Variants in NTM observed in about 807,000 individuals in gnomAD.
NTM encodes the protein neurotrimin, also known as IgLON family member 2.
Under a neutral mutation model 42.1 loss-of-function variants are expected in NTM, and 13 were observed. The ratio of observed to expected loss-of-function variants is 0.31; its 90% confidence interval spans 0.20 to 0.49. The LOEUF (loss-of-function observed/expected upper bound fraction) is 0.49, where lower values mean the gene tolerates loss of function less well. Ranked by LOEUF, NTM falls within the 20% of genes least tolerant of loss-of-function variation. NTM has a pLI of 0.99. For synonymous variants in NTM, 187 were observed against 179.2 expected (o/e 1.04, Z -0.35); for missense variants, 373 against 452.8 (o/e 0.82, Z 1.60).
intron 4 of NTM, among the ~76,000 whole-genome samples, chr11:132,216,806 C>G (rs942549915): frequency 3.3e-5 from 5 of 152,206 alleles, no homozygotes; most frequent in African/African-American, 1.2e-4. Context: ...CTATCTTGAT[C>G]CTTCAGAAGT....
intron 1 of NTM, chr11:131,605,856 A>G (rs565446650): frequency 1.0e-4 from 100 of 983,894 alleles, no homozygotes; most frequent in Admixed American, 2.5e-4. Context: ...TTCTTGGACT[A>G]TCTCACCTGA....
At chr11:131,527,149 T>A (rs2050612633) in intron 1 of NTM, among the ~76,000 whole-genome samples, 1 of 152,178 alleles carries the variant, frequency 6.6e-6, no homozygotes, top group African/African-American at 2.4e-5. Context: ...ACCCCCCTGG[T>A]CTCCCAGAGC....
chr11:131,528,851 T>A lies in NTM; in HGVS notation c.82+157963T>A, dbSNP rs115228692. Among the ~76,000 whole-genome samples, 691 of 152,354 alleles carry A rather than the reference T, an allele frequency of 4.5e-3. 5 individuals carry two copies. Among genetic ancestry groups the A allele is most frequent in the African/African-American group, 0.015 (636 of 41,586 alleles). On this transcript the variant is annotated intron_variant, in intron 1 of 8. Transcript: ENST00000683400. ...TCTTCCCTGACCTCTCATAGCACAC[T>A]TGATGTTTAGACATTTGATTTGATT...
At chr11:132,256,710 T>C (rs1262468483) in intron 4 of NTM, among the ~76,000 whole-genome samples, 1 of 151,694 alleles carries the variant, frequency 6.6e-6, no homozygotes, top group Non-Finnish European at 1.5e-5. Flanking sequence ...GAAAGTGGCA[T>C]AAACGGCACA....
chr11:131,830,726 A>G (rs1455119226), intron 1 of NTM, among the ~76,000 whole-genome samples: 1 of 152,210 alleles, frequency 6.6e-6, no homozygotes, highest in African/African-American at 2.4e-5. Context: ...ATAGCTGGAT[A>G]GGAATAATGT....
intron 6 of NTM, among the ~76,000 whole-genome samples, chr11:132,311,794 G>T (rs1391318231): frequency 6.6e-6 from 1 of 152,150 alleles, no homozygotes; most frequent in Non-Finnish European, 1.5e-5. Flanking sequence ...CAAAATCTTA[G>T]AGGAAAATAA....
intron 2 of NTM, among the ~76,000 whole-genome samples, chr11:132,129,593 C>T (rs1037596046): frequency 6.6e-6 from 1 of 152,170 alleles, no homozygotes; most frequent in South Asian, 2.1e-4. Context: ...GTAAGGTTAG[C>T]TTCAGTTAAT....
intron 2 of NTM, among the ~76,000 whole-genome samples, chr11:132,075,567 T>G (rs1358076825): frequency 2.6e-5 from 4 of 152,204 alleles, no homozygotes; most frequent in Non-Finnish European, 4.4e-5. Context: ...TTTCTGATGA[T>G]CTCAGGTTCA....
intron 7 of NTM, among the ~76,000 whole-genome samples, chr11:132,319,504 C>G (rs146309021): frequency 6.6e-6 from 1 of 152,200 alleles, no homozygotes; most frequent in African/African-American, 2.4e-5. Context: ...CCTACACCCA[C>G]GGAGTCTCAC....
intron 3 of NTM, among the ~76,000 whole-genome samples, chr11:132,159,789 G>T (rs368887339): frequency 6.6e-6 from 1 of 152,202 alleles, no homozygotes; most frequent in Non-Finnish European, 1.5e-5. Flanking sequence ...CGTGGGTGTG[G>T]GGGTAGAACT....
intron 1 of NTM, among the ~76,000 whole-genome samples, chr11:131,499,413 G>A (rs754353719): frequency 2.6e-5 from 4 of 152,152 alleles, no homozygotes; most frequent in Middle Eastern, 3.4e-3. Flanking sequence ...CCCACTCCCC[G>A]TCATCTCCGC....
At chr11:132,187,961 A>G (rs953486242) in intron 3 of NTM, among the ~76,000 whole-genome samples, 7 of 152,214 alleles carry the variant, frequency 4.6e-5, no homozygotes, top group African/African-American at 1.7e-4. Context: ...CAAAATGGAA[A>G]ATGAGACATA....
At chr11:131,805,993 C>T (rs933363578) in intron 1 of NTM, among the ~76,000 whole-genome samples, 1 of 152,144 alleles carries the variant, frequency 6.6e-6, no homozygotes, top group African/African-American at 2.4e-5. Flanking sequence ...AACATATTTT[C>T]TATGGGAAAA....
intron 2 of NTM, among the ~76,000 whole-genome samples, chr11:131,983,562 G>C (rs1243265758): frequency 6.6e-6 from 1 of 151,952 alleles, no homozygotes; most frequent in East Asian, 1.9e-4. Flanking sequence ...TTTTATTAGA[G>C]ATGGGGTTTC....
At chr11:132,199,463 A>C (rs1041745579) in intron 3 of NTM, among the ~76,000 whole-genome samples, 1 of 152,218 alleles carries the variant, frequency 6.6e-6, no homozygotes, top group Non-Finnish European at 1.5e-5. Flanking sequence ...AGTGGCGTAC[A>C]TCTTTTACAG....
chr11:132,131,532 T>A (rs1591712967), intron 2 of NTM, among the ~76,000 whole-genome samples: 1 of 151,864 alleles, frequency 6.6e-6, no homozygotes, highest in South Asian at 2.1e-4. Flanking sequence ...GGGAGCCTTG[T>A]GAAGGAAGGG....
At chr11:132,201,091 C>A (rs1048715248) in intron 3 of NTM, among the ~76,000 whole-genome samples, 12 of 152,104 alleles carry the variant, frequency 7.9e-5, no homozygotes, top group African/African-American at 2.9e-4. Context: ...AGACAAATGA[C>A]CCCTATTGAA....
chr11:132,188,924 A>G (rs1026134), intron 3 of NTM, among the ~76,000 whole-genome samples: 17,913 of 152,212 alleles, frequency 0.12, 1,335 homozygotes, highest in East Asian at 0.26. Context: ...GACTCTAGAA[A>G]TGCGCACACA....
intron 2 of NTM, among the ~76,000 whole-genome samples, chr11:132,062,132 C>T (rs2080778495): frequency 6.6e-6 from 1 of 152,100 alleles, no homozygotes; most frequent in African/African-American, 2.4e-5. Flanking sequence ...TCTGGTTTTG[C>T]CTCACTTGGA....
Sources: allele counts gnomAD v4.1 joint callset (sites outside exome capture counted in the v4.1 genomes callset), GRCh38; gene constraint gnomAD v4.1.1; transcripts MANE v1.5; gene names NCBI Gene and HGNC (gene_info 2026-07-23, HGNC 2026-07-21).